Variants in WNK1 observed in about 807,000 individuals in gnomAD.
The protein encoded by WNK1 is WNK lysine deficient protein kinase 1.
WNK1 carries 38 observed loss-of-function variants against 222.8 expected under a neutral mutation model. The ratio of observed to expected loss-of-function variants is 0.17; its 90% CI spans 0.13 to 0.22. WNK1 has a LOEUF of 0.22. WNK1 is among the 10% of genes least tolerant of loss of function. The probability of loss-of-function intolerance (pLI) is 1.00; values close to 1 mark genes in which losing one functional copy is unlikely to be tolerated. For synonymous variants in WNK1, 1,090 were observed against 1,092.9 expected (o/e 1.00, Z 0.05); for missense variants, 2,348 against 2,918.4 (o/e 0.80, Z 4.50).
intron 3 of WNK1, among the ~76,000 whole-genome samples, chr12:829,277 TTG>T (rs988971964): frequency 2.0e-5 from 3 of 152,054 alleles, no homozygotes; most frequent in Non-Finnish European, 4.4e-5. Context: ...GGTTCTATAT[TTG>T]TGTGTGTGTG....
At chr12:867,809 C>A in intron 8 of WNK1, 2 of 1,594,706 alleles carry the variant, frequency 1.3e-6, no homozygotes. Flanking sequence ...TTGTGCATGT[C>A]TGATGTAATT....
chr12:909,752 A>G lies in WNK1; in HGVS notation c.*960A>G, dbSNP rs879222077. ...CATCAACTTACCAGACCCCAGATCA[A>G]TAAAGGGCATGTGGAAGGAAATCGT... On this transcript the variant is annotated 3_prime_UTR_variant, in exon 28 of 28. Coordinates refer to ENST00000315939, the MANE Select transcript of WNK1 (RefSeq NM_018979.4). 6.6e-6 allele frequency: 1 copy of G among 152,248 alleles called. No homozygotes were observed. The highest frequency in any genetic ancestry group is 6.5e-5 in the Admixed American group (1 of 15,284). The allele number at this position is 152,248 out of a possible 1,614,324, so 9.4% of individuals were successfully genotyped here.
At chr12:766,078 A>C (rs1394748813) in intron 1 of WNK1, among the ~76,000 whole-genome samples, 1 of 152,150 alleles carries the variant, frequency 6.6e-6, no homozygotes, top group Non-Finnish European at 1.5e-5. Context: ...AAGTTTAGAA[A>C]GTAGAGACAA....
At chr12:788,972 A>G (rs764554268) in intron 1 of WNK1, among the ~76,000 whole-genome samples, 3 of 152,112 alleles carry the variant, frequency 2.0e-5, no homozygotes, top group Non-Finnish European at 2.9e-5. Context: ...TGCTTATAAC[A>G]GTTTTTGTGG....
intron 20 of WNK1, among the ~76,000 whole-genome samples, chr12:887,736 T>C (rs1425104356): frequency 1.3e-5 from 2 of 152,218 alleles, no homozygotes; most frequent in Non-Finnish European, 1.5e-5. Context: ...CAGTCTCTTC[T>C]TGAATGTTGA....
chr12:761,091 T>C (rs1169899796), intron 1 of WNK1, among the ~76,000 whole-genome samples: 3 of 147,256 alleles, frequency 2.0e-5, no homozygotes, highest in Non-Finnish European at 4.5e-5. Context: ...GGTCTATATG[T>C]AGTTTTTAAA....
intron 1 of WNK1, among the ~76,000 whole-genome samples, chr12:800,344 G>A (rs989783998): frequency 2.0e-5 from 3 of 151,900 alleles, no homozygotes; most frequent in African/African-American, 7.3e-5. Context: ...TTGGCAGTGA[G>A]TTTATAATAC....
At chr12:757,668 CT>C (rs1279077801) in intron 1 of WNK1, among the ~76,000 whole-genome samples, 2 of 148,790 alleles carry the variant, frequency 1.3e-5, no homozygotes, top group East Asian at 1.9e-4. Flanking sequence ...CTGTTGGGCT[CT>C]ATCTGCAGAG....
At chr12:801,081 T>C (rs1945821518) in intron 1 of WNK1, among the ~76,000 whole-genome samples, 1 of 152,232 alleles carries the variant, frequency 6.6e-6, no homozygotes, top group Non-Finnish European at 1.5e-5. Context: ...TTGTATCTGC[T>C]GATGGCTCCT....
chr12:861,037 G>A lies in WNK1; in HGVS notation c.1645G>A (p.Gly549Ser). The A allele has an allele frequency of 6.2e-7, 1 of 1,613,516 alleles. No individual in the cohort carries two copies. Among genetic ancestry groups the A allele is most frequent in the Non-Finnish European group, 8.5e-7 (1 of 1,179,904 alleles). Residue 549 changes from glycine (G) to serine (S), a missense_variant, in exon 7 of 28, where the codon GGT becomes AGT. Coordinates refer to ENST00000315939, the MANE Select transcript of WNK1 (RefSeq NM_018979.4). ...EMVESGYVCE[G>S]DHKTMAKAIK... The stretch of plus-strand genomic sequence containing the variant: ...GGTAGAGTCTGGGTATGTCTGTGAA[G>A]GTGATCACAAGACCATGGCTAAAGC...
chr12:757,647 A>G (rs1485452829), intron 1 of WNK1, among the ~76,000 whole-genome samples: 2 of 149,134 alleles, frequency 1.3e-5, no homozygotes, highest in African/African-American at 4.8e-5. Context: ...TGTCTTGGTC[A>G]GAAAATATTA....
At chr12:833,843 T>C (rs1948988205) in intron 4 of WNK1, among the ~76,000 whole-genome samples, 1 of 152,254 alleles carries the variant, frequency 6.6e-6, no homozygotes, top group African/African-American at 2.4e-5. Context: ...CAACATTTTC[T>C]GAATCCCTGC....
At chr12:780,980 C>G (rs993290318) in intron 1 of WNK1, among the ~76,000 whole-genome samples, 9 of 152,172 alleles carry the variant, frequency 5.9e-5, no homozygotes, top group African/African-American at 2.2e-4. Flanking sequence ...TCAAACCTTT[C>G]TGAGACTCAT....
chr12:809,225 G>GA lies in WNK1; in HGVS notation c.760-4399dup, dbSNP rs67749492. 6.0e-3 allele frequency among the ~76,000 whole-genome samples: 721 copies of GA among 120,952 alleles called. 11 individuals are homozygous for GA. Among genetic ancestry groups the GA allele is most frequent in the African/African-American group, 0.019 (613 of 31,530 alleles). The allele number at this position is 120,952 out of a possible 152,430, so 79.3% of individuals were successfully genotyped here. On this transcript the variant is annotated intron_variant, in intron 1 of 27. Coordinates refer to ENST00000315939, the MANE Select transcript of WNK1 (RefSeq NM_018979.4). The stretch of plus-strand genomic sequence containing the variant: ...GATTTTTTTTTCCTATTCTTTTGAG[G>GA]AAAAAAAAAAAAAAAAAATTTTTTT...
At chr12:855,580 A>C (rs990668098) in intron 4 of WNK1, among the ~76,000 whole-genome samples, 1 of 152,142 alleles carries the variant, frequency 6.6e-6, no homozygotes, top group Non-Finnish European at 1.5e-5. Flanking sequence ...GACACTATAG[A>C]TAATCAGAAT....
rs141687144 is a variant in WNK1, at chr12:804,471, C to T, written c.760-9171C>T. Among the ~76,000 whole-genome samples, 626 of 151,274 alleles carry T rather than the reference C, an allele frequency of 4.1e-3. 3 individuals carry two copies. The highest frequency in any genetic ancestry group is 0.014 in the African/African-American group (589 of 41,090). ...CACTGCAACCTATGCGTCCCAGGTT[C>T]AAGCGATTCTCCTGCCTCACCCTCC... On this transcript the variant is annotated intron_variant, in intron 1 of 27. Transcript: ENST00000315939.
intron 1 of WNK1, chr12:781,193 T>C (rs1049762526): frequency 3.2e-5 from 5 of 155,814 alleles, no homozygotes; most frequent in African/African-American, 1.2e-4. Context: ...GCAGTACTGC[T>C]AACGCCTACA....
chr12:841,853 C>T (rs1417080119), intron 4 of WNK1, among the ~76,000 whole-genome samples: 3 of 152,160 alleles, frequency 2.0e-5, no homozygotes, highest in Non-Finnish European at 4.4e-5. Context: ...CGGTTCTGCC[C>T]TCATGACCTG....
At chr12:779,546 A>G (rs534198110) in intron 1 of WNK1, among the ~76,000 whole-genome samples, 2 of 151,972 alleles carry the variant, frequency 1.3e-5, no homozygotes, top group East Asian at 3.9e-4. Flanking sequence ...CTGGAATTAC[A>G]GGTGCGCGCC....
Sources: gnomAD v4.1 joint callset for allele counts (sites outside exome capture counted in the v4.1 genomes callset) on GRCh38, gnomAD v4.1.1 for gene constraint, MANE v1.5 for transcripts, NCBI Gene and HGNC (gene_info 2026-07-23, HGNC 2026-07-21) for gene names.